The following HMCN1 variants were observed in gnomAD, a reference collection of about 807,000 sequenced individuals.
HMCN1 encodes hemicentin-1.
Under a neutral mutation model 625.9 loss-of-function variants are expected in HMCN1, and 321 were observed. The ratio of observed to expected loss-of-function variants is 0.51; its 90% CI spans 0.47 to 0.56. The LOEUF (loss-of-function observed/expected upper bound fraction) is 0.56. Ranked by LOEUF, HMCN1 falls within the 20% of genes least tolerant of loss-of-function variation. HMCN1 has a pLI of 0.00. For missense variants in HMCN1, 6,588 were observed against 6,887.3 expected, an observed-to-expected ratio of 0.96 and a Z score of 1.54; for synonymous variants, 2,425 against 2,417.6, an observed-to-expected ratio of 1.00 and a Z score of -0.09.
chr1:186,029,956 T>C (rs1210259993), intron 36 of HMCN1, among the ~76,000 whole-genome samples: 1 of 152,120 alleles, frequency 6.6e-6, no homozygotes, highest in Non-Finnish European at 1.5e-5. Context: ...ATCTGTCATG[T>C]GATTTCTTCT....
Position 186,094,329 on chromosome 1 carries a change from A to G in HMCN1, c.10250A>G (p.Asn3417Ser), listed in dbSNP as rs914145862. Residue 3417 changes from asparagine to serine, a missense_variant, in exon 67 of 107, where the codon AAC (asparagine) becomes AGC (serine). This residue lies in a region of HMCN1 where 4,628 missense variants were observed against 4,853.1 expected (regional missense o/e 0.95). Coordinates refer to ENST00000271588, the MANE Select transcript of HMCN1 (RefSeq NM_031935.3). ...GCTGTGTATACTTGTGTGGCCTCCA[A>G]CAGAGCTGGGGTGGATAATAAGCAT... The part of the protein sequence containing the change: ...DVAVYTCVAS[N>S]RAGVDNKHYN... The G allele has an allele frequency of 6.2e-7, 1 of 1,613,380 alleles. No homozygotes were observed. Among genetic ancestry groups the G allele is most frequent in the Non-Finnish European group, 8.5e-7 (1 of 1,179,590 alleles).
At chr1:185,821,194 TG>T (rs10710937) in intron 1 of HMCN1, among the ~76,000 whole-genome samples, 4,700 of 152,196 alleles carry the variant, frequency 0.031, 261 homozygotes, top group African/African-American at 0.11. Context: ...TGTACCTTTT[TG>T]GTACATGTGC....
At chr1:186,057,031 TCACA>T (rs59926356) in intron 45 of HMCN1, among the ~76,000 whole-genome samples, 199 bp from the exon 46 acceptor site, 6,693 of 147,756 alleles carry the variant, frequency 0.045, 221 homozygotes, top group Admixed American at 0.12. Flanking sequence ...TCCAGGAATG[TCACA>T]CACACACACA....
intron 20 of HMCN1, 122 bp from the exon 21 acceptor site, chr1:185,989,366 C>T (rs957194514): frequency 9.0e-7 from 1 of 1,106,652 alleles, no homozygotes; most frequent in Non-Finnish European, 1.4e-6. Flanking sequence ...TTAAAATTTA[C>T]TCTATTCCCC....
chr1:185,858,862 A>G (rs1337186692), intron 2 of HMCN1, among the ~76,000 whole-genome samples: 1 of 151,376 alleles, frequency 6.6e-6, no homozygotes, highest in Admixed American at 6.6e-5. Context: ...ACACAAATCA[A>G]CCTACAGTCT....
chr1:186,091,284 C>A (rs1425880850), intron 64 of HMCN1, among the ~76,000 whole-genome samples: 1 of 152,018 alleles, frequency 6.6e-6, no homozygotes, highest in Non-Finnish European at 1.5e-5. Flanking sequence ...AAATGCCAAA[C>A]CAACTTTATC....
At chr1:186,011,139 C>T (rs1028847878) in intron 30 of HMCN1, among the ~76,000 whole-genome samples, 31 of 151,990 alleles carry the variant, frequency 2.0e-4, no homozygotes, top group African/African-American at 7.0e-4. Context: ...TCCGCCTCTT[C>T]GGTTCAAGTG....
At position 186,112,852 on chromosome 1, in the gene HMCN1, T is replaced by C; in HGVS notation, c.11030T>C (p.Leu3677Ser). ...CGAATCCTATCTGGAGGGAGATACTTGCAAATCAACAATGCTGACCTAGGT... is the reference window on the plus strand; with the variant it reads ...CGAATCCTATCTGGAGGGAGATACTCGCAAATCAACAATGCTGACCTAGGT... Reference protein sequence around the residue: ...RVRILSGGRYLQINNADLGDT... With the variant: ...RVRILSGGRYSQINNADLGDT... The change falls in exon 72 of 107, where the codon TTG becomes TCG. Residue 3677 changes from leucine (L) to serine (S), a missense_variant. By Grantham distance (145) the Leu-to-Ser change is moderately radical. Around this residue, in one of 3 missense-constraint regions of HMCN1, gnomAD observed 4,628 missense variants for 4,853.1 expected, o/e 0.95. Coordinates refer to ENST00000271588, the MANE Select transcript of HMCN1 (RefSeq NM_031935.3). 1 of 1,614,194 alleles carries C rather than the reference T, an allele frequency of 6.2e-7. No individual in the cohort carries two copies. Among genetic ancestry groups the C allele is most frequent in the Non-Finnish European group, 8.5e-7 (1 of 1,180,018 alleles).
chr1:185,890,351 A>G (rs1217979852), intron 4 of HMCN1, among the ~76,000 whole-genome samples: 12 of 147,840 alleles, frequency 8.1e-5, no homozygotes, highest in Admixed American at 7.9e-4. Flanking sequence ...GCCTTCTGCT[A>G]GCTTTTGAAT....
intron 1 of HMCN1, among the ~76,000 whole-genome samples, chr1:185,827,096 C>T (rs1355070234): frequency 3.4e-5 from 5 of 147,616 alleles, no homozygotes; most frequent in Non-Finnish European, 5.9e-5. Context: ...GGCATGAACC[C>T]GGGAGGCAGA....
intron 15 of HMCN1, among the ~76,000 whole-genome samples, chr1:185,976,865 A>G (rs74134245): frequency 0.031 from 4,680 of 152,126 alleles, 250 homozygotes; most frequent in African/African-American, 0.11. Context: ...ACCTCTTAGA[A>G]TCCTATATGA....
At chr1:186,013,327 CT>C (rs1269998554) in intron 30 of HMCN1, among the ~76,000 whole-genome samples, 2 of 152,160 alleles carry the variant, frequency 1.3e-5, no homozygotes, top group African/African-American at 4.8e-5. Flanking sequence ...CCATTTTTAG[CT>C]TAGCATCTCC....
intron 29 of HMCN1, among the ~76,000 whole-genome samples, chr1:186,004,819 T>A (rs1388520510): frequency 6.6e-6 from 1 of 152,098 alleles, no homozygotes; most frequent in Non-Finnish European, 1.5e-5. Context: ...TGATATTTAC[T>A]GCAACACTGT....
intron 89 of HMCN1, among the ~76,000 whole-genome samples, chr1:186,143,960 G>A (rs182149344): frequency 1.4e-3 from 208 of 152,276 alleles, no homozygotes; most frequent in Non-Finnish European, 2.2e-3. Context: ...TTGGCATCAG[G>A]TAAGCCTTCT....
At chr1:185,746,203 T>C (rs1001320057) in intron 1 of HMCN1, among the ~76,000 whole-genome samples, 1 of 152,158 alleles carries the variant, frequency 6.6e-6, no homozygotes, top group East Asian at 1.9e-4. Flanking sequence ...GGATGTTTCT[T>C]TCATGAAAGA....
chr1:186,151,818 G>T, intron 95 of HMCN1, 75 bp downstream of exon 95: 1 of 1,427,230 alleles, frequency 7.0e-7, no homozygotes, highest in South Asian at 1.2e-5. Flanking sequence ...AAAAATACGT[G>T]TTCCCACATA....
intron 11 of HMCN1, among the ~76,000 whole-genome samples, chr1:185,951,576 A>G (rs557480640): frequency 1.1e-3 from 169 of 151,442 alleles, no homozygotes; most frequent in African/African-American, 4.0e-3. Flanking sequence ...CGCTAAGCCG[A>G]GAAGATCTGG....
intron 36 of HMCN1, among the ~76,000 whole-genome samples, chr1:186,026,757 C>T (rs1655083946): frequency 6.6e-6 from 1 of 152,076 alleles, no homozygotes; most frequent in Admixed American, 6.6e-5. Context: ...ACCTCAGCCT[C>T]CCTAGTAGGG....
At position 186,045,867 on chromosome 1, in the gene HMCN1, A is replaced by T. The variant is rs376146048; in HGVS notation, c.6480+4A>T. ...TGAAAATAGAAGTGTGTTAAAGGTA[A>T]GGATATGGATTCATTTATTTTACCT... On this transcript the variant is annotated splice_donor_region_variant and intron_variant, in intron 41 of 106. Transcript: ENST00000271588. The T allele has an allele frequency of 5.7e-5, 91 of 1,598,468 alleles. No homozygotes were observed. The highest frequency in any genetic ancestry group is 6.9e-5 in the Non-Finnish European group (81 of 1,166,186).
Sources: allele counts gnomAD v4.1 joint callset (sites outside exome capture counted in the v4.1 genomes callset), GRCh38; gene constraint gnomAD v4.1.1; regional missense constraint gnomAD v4.1.1; transcripts MANE v1.5; gene names NCBI Gene and HGNC (gene_info 2026-07-23, HGNC 2026-07-21).